ST8SIA2: variants seen among roughly 807,000 people sequenced by gnomAD.
ST8SIA2 encodes alpha-2,8-sialyltransferase 8B.
ST8SIA2 carries 22 observed loss-of-function variants against 37.6 expected under a neutral mutation model. The observed-to-expected ratio is 0.58, with a 90% CI of 0.42 to 0.83. The LOEUF is 0.83. ST8SIA2 is among the 40% of genes least tolerant of loss of function. The pLI is 0.00. For missense variants in ST8SIA2, 382 were observed against 484.7 expected (o/e 0.79, Z 1.99); for synonymous variants, 205 against 201.2 (o/e 1.02, Z -0.16).
intron 1 of ST8SIA2, among the ~76,000 whole-genome samples, chr15:92,423,402 T>C (rs1312520907): frequency 6.6e-6 from 1 of 152,254 alleles, no homozygotes; most frequent in East Asian, 1.9e-4. Context: ...GCCTGGGCTA[T>C]GGAGCAAGAC....
intron 1 of ST8SIA2, among the ~76,000 whole-genome samples, chr15:92,401,286 CT>C (rs921508784): frequency 6.6e-6 from 1 of 152,216 alleles, no homozygotes; most frequent in African/African-American, 2.4e-5. Flanking sequence ...CTGACCGCCC[CT>C]GGGCTTGCTT....
intron 1 of ST8SIA2, among the ~76,000 whole-genome samples, chr15:92,398,800 T>C (rs553486158): frequency 6.6e-6 from 1 of 152,348 alleles, no homozygotes; most frequent in African/African-American, 2.4e-5. Context: ...TAGACTGCCC[T>C]GTCCTCTGAG....
intron 1 of ST8SIA2, among the ~76,000 whole-genome samples, chr15:92,404,455 G>A (rs1238311225): frequency 2.0e-5 from 3 of 152,002 alleles, no homozygotes; most frequent in Non-Finnish European, 2.9e-5. Flanking sequence ...ACAGTATGAC[G>A]GTTCCTCAAA....
chr15:92,422,339 G>A (rs1255516869), intron 1 of ST8SIA2: 1 of 152,194 alleles, frequency 6.6e-6, no homozygotes, highest in Non-Finnish European at 1.5e-5. Context: ...CTTCATCAAG[G>A]ACTACTCGGT....
intron 5 of ST8SIA2, among the ~76,000 whole-genome samples, chr15:92,462,696 G>A (rs532116197): frequency 5.3e-5 from 8 of 152,298 alleles, no homozygotes; most frequent in Admixed American, 3.3e-4. Context: ...GCAAACCATG[G>A]AGTTTGCTTG....
intron 1 of ST8SIA2, among the ~76,000 whole-genome samples, chr15:92,396,965 TTGCACCAGCCC>T (rs1049536039): frequency 6.6e-6 from 1 of 152,166 alleles, no homozygotes; most frequent in Non-Finnish European, 1.5e-5. Flanking sequence ...CAAGAGGCTT[TTGCACCAGCCC>T]TGCCCCTCCA....
At chr15:92,409,665 C>G (rs1197133552) in intron 1 of ST8SIA2, among the ~76,000 whole-genome samples, 1 of 152,206 alleles carries the variant, frequency 6.6e-6, no homozygotes, top group Non-Finnish European at 1.5e-5. Flanking sequence ...ATCACCAGCA[C>G]AGACTGTGTG....
intron 1 of ST8SIA2, among the ~76,000 whole-genome samples, chr15:92,424,755 G>C (rs2049663296): frequency 1.3e-5 from 2 of 152,168 alleles, no homozygotes; most frequent in Middle Eastern, 3.4e-3. Context: ...GGGACTACAG[G>C]CGCACGCCAT....
At chr15:92,456,622 C>A (rs2039349449) in intron 5 of ST8SIA2, among the ~76,000 whole-genome samples, 1 of 152,178 alleles carries the variant, frequency 6.6e-6, no homozygotes, top group African/African-American at 2.4e-5. Flanking sequence ...GGCTTCAAAG[C>A]CAAGACCATA....
chr15:92,407,541 T>G (rs1022030032), intron 1 of ST8SIA2, among the ~76,000 whole-genome samples: 1 of 152,170 alleles, frequency 6.6e-6, no homozygotes, highest in African/African-American at 2.4e-5. Context: ...CACTTCACAG[T>G]TGGCGTATGC....
chr15:92,418,093 C>A (rs2049600964), intron 1 of ST8SIA2, among the ~76,000 whole-genome samples: 1 of 152,062 alleles, frequency 6.6e-6, no homozygotes, highest in Non-Finnish European at 1.5e-5. Context: ...TGCTGGGTGG[C>A]CCTGGGCAAA....
At chr15:92,439,467 C>T (rs999854929) in intron 4 of ST8SIA2, among the ~76,000 whole-genome samples, 4 of 152,162 alleles carry the variant, frequency 2.6e-5, no homozygotes, top group Admixed American at 6.5e-5. Context: ...AATTAGGGCA[C>T]GCGGAGCCTC....
At chr15:92,414,265 C>T (rs569324444) in intron 1 of ST8SIA2, among the ~76,000 whole-genome samples, 16 of 152,352 alleles carry the variant, frequency 1.1e-4, no homozygotes, top group Non-Finnish European at 1.5e-4. Context: ...GGCTTCGTAC[C>T]TCTGCCTCTC....
At chr15:92,418,122 C>G (rs2049601209) in intron 1 of ST8SIA2, among the ~76,000 whole-genome samples, 1 of 151,956 alleles carries the variant, frequency 6.6e-6, no homozygotes, top group African/African-American at 2.4e-5. Flanking sequence ...CCTTTTTGAG[C>G]CTGGGTGTCC....
chr15:92,464,755 T>C lies in ST8SIA2; in HGVS notation c.*370T>C. 1 of 264,258 alleles carries C rather than the reference T, an allele frequency of 3.8e-6. No individual in the cohort carries two copies. The highest frequency in any genetic ancestry group is 7.3e-6 in the Non-Finnish European group (1 of 136,270). The allele number at this position is 264,258 out of a possible 1,614,324, so 16.4% of individuals were successfully genotyped here. On this transcript the variant is annotated 3_prime_UTR_variant, in exon 6 of 6. Transcript: ENST00000268164. ...TTGGAGGGATCTTTGGGCTCATGGATGAATGGCGAGCCACCTGTTGTCAGC... is the reference window on the plus strand; with the variant it reads ...TTGGAGGGATCTTTGGGCTCATGGACGAATGGCGAGCCACCTGTTGTCAGC...
intron 1 of ST8SIA2, among the ~76,000 whole-genome samples, chr15:92,417,005 TCAAACTCCA>T (rs1379480298): frequency 6.6e-6 from 1 of 152,204 alleles, no homozygotes; most frequent in Non-Finnish European, 1.5e-5. Context: ...AGGGGACTTG[TCAAACTCCA>T]CAGGCAGCAA....
At chr15:92,432,276 G>A (rs185068222) in intron 2 of ST8SIA2, among the ~76,000 whole-genome samples, 76 of 152,320 alleles carry the variant, frequency 5.0e-4, no homozygotes, top group Non-Finnish European at 7.5e-4. Flanking sequence ...CAAAGCTGGG[G>A]TGAAGCCGCT....
At chr15:92,429,892 T>A (rs1005746166) in intron 1 of ST8SIA2, among the ~76,000 whole-genome samples, 157 bp from the exon 2 acceptor site, 1 of 152,220 alleles carries the variant, frequency 6.6e-6, no homozygotes, top group African/African-American at 2.4e-5. Context: ...TTGGGCTGTG[T>A]CTGGGGCCAG....
intron 1 of ST8SIA2, among the ~76,000 whole-genome samples, chr15:92,405,360 T>G (rs1288050259): frequency 1.3e-5 from 2 of 152,188 alleles, no homozygotes; most frequent in Non-Finnish European, 2.9e-5. Context: ...GGTATAAAGT[T>G]TCAGTTTTGC....
Sources: allele counts gnomAD v4.1 joint callset (sites outside exome capture counted in the v4.1 genomes callset), GRCh38; gene constraint gnomAD v4.1.1; transcripts MANE v1.5; gene names NCBI Gene and HGNC (gene_info 2026-07-23, HGNC 2026-07-21).